Variants in UGT2B4 observed in about 807,000 individuals in gnomAD.
UGT2B4 encodes UDP-glucuronosyltransferase 2B4.
UGT2B4 carries 49 observed loss-of-function variants against 49.8 expected under a neutral mutation model. The ratio of observed to expected loss-of-function variants is 0.98; its 90% CI spans 0.78 to 1.25. The LOEUF (loss-of-function observed/expected upper bound fraction) is 1.25. Ranked by LOEUF, UGT2B4 falls within the 50% of genes most tolerant of loss-of-function variation. The probability of loss-of-function intolerance (pLI) is 0.00; values close to 1 mark genes in which losing one functional copy is unlikely to be tolerated. For missense variants in UGT2B4, 729 were observed against 627.7 expected (o/e 1.16, Z -1.73); for synonymous variants, 246 against 217.7 (o/e 1.13, Z -1.14).
At chr4:69,489,052 A>T (rs907325784) in intron 3 of UGT2B4, among the ~76,000 whole-genome samples, 5 of 152,286 alleles carry the variant, frequency 3.3e-5, no homozygotes, top group African/African-American at 1.2e-4. Context: ...GAAGTTACTC[A>T]TTAAAATGTA....
chr4:69,524,217 A>G (rs72646768), intron 1 of UGT2B4, among the ~76,000 whole-genome samples: 53,325 of 151,816 alleles, frequency 0.35, 9,447 homozygotes, highest in Non-Finnish European at 0.37. Flanking sequence ...TAACTGCTGC[A>G]AGAGGCCTAG....
In UGT2B4 at chr4:69,482,069, T is replaced by G. The variant is rs968415151; in HGVS notation, c.1311-1159A>C. On this transcript the variant is annotated intron_variant, in intron 5 of 5. Coordinates refer to ENST00000305107, the MANE Select transcript of UGT2B4 (RefSeq NM_021139.3). ...ATGCACACTAGGTCTTCTAGGGACA[T>G]TGGCCTTATATTTTTCTTTAAGCTC... is the stretch of plus-strand genomic sequence containing the variant. Among the ~76,000 whole-genome samples the G allele has an allele frequency of 2.6e-5, 4 of 152,248 alleles. No individual in the cohort carries two copies. In the East Asian group the frequency reaches 7.7e-4, roughly 29 times the overall value.
chr4:69,525,593 A>G lies in UGT2B4; in HGVS notation c.-106+94T>C, dbSNP rs1308790030. ...TTTTGGGCAACGTGATATAGTTTCA[A>G]GATATGGGTTAGACAATAGATTATC... On this transcript the variant is annotated intron_variant, in intron 1 of 1. Transcript: ENST00000510114. 3 of 675,252 alleles carry G rather than the reference A, an allele frequency of 4.4e-6. No individual in the cohort carries two copies. The Admixed American group carries it at 1.6e-4, about 35-fold the overall frequency. The allele number at this position is 675,252 out of a possible 1,614,324, so 41.8% of individuals were successfully genotyped here. A position where few individuals can be genotyped will look rare whatever the true frequency, so the allele number is the denominator to read the frequency against.
rs1259761750 is a variant in UGT2B4 at position 69,480,447 on chromosome 4, C to T, written c.*187G>A. 6 of 796,726 alleles carry T rather than the reference C, an allele frequency of 7.5e-6. No homozygotes were observed. Among genetic ancestry groups the T allele is most frequent in the Non-Finnish European group, 1.1e-5 (6 of 528,240 alleles). 49.4% of individuals were successfully genotyped at this position (796,726 alleles called of 1,614,324 possible). ...TCATTTTTGTTTTCCCTAATGTTTT[C>T]CTCCTTGACATGAAATATTTCTAAT... On this transcript the variant is annotated 3_prime_UTR_variant, in exon 6 of 6. Transcript: ENST00000305107.
chr4:69,500,278 T>C (rs568581756), upstream of UGT2B4, among the ~76,000 whole-genome samples: 51 of 152,146 alleles, frequency 3.4e-4, no homozygotes, highest in South Asian at 6.2e-4. Flanking sequence ...GATAAATAGC[T>C]AATGCATTCC....
At chr4:69,496,023 A>T, upstream of UGT2B4, 3 of 1,240,332 alleles carry the variant, frequency 2.4e-6, no homozygotes, top group South Asian at 1.9e-5. Flanking sequence ...AAAGAGACAA[A>T]TAAAAGGTAG....
Position 69,519,121 on chromosome 4 carries a change from G to C in UGT2B4, c.-106+6566C>G, listed in dbSNP as rs551454278. 2.1e-4 allele frequency among the ~76,000 whole-genome samples: 32 copies of C among 152,290 alleles called. No homozygotes were observed. The South Asian group carries it at 6.6e-3, about 32-fold the overall frequency. On this transcript the variant is annotated intron_variant, in intron 1 of 1. Transcript: ENST00000510114. The stretch of plus-strand genomic sequence containing the variant: ...ACAGAAGAAAGCTAACTTGAAGTAG[G>C]AGAACGTAGTCTCTATAATGACAAA...
At chr4:69,490,624 A>G (rs1727955099) in intron 2 of UGT2B4, among the ~76,000 whole-genome samples, 1 of 152,158 alleles carries the variant, frequency 6.6e-6, no homozygotes, top group Non-Finnish European at 1.5e-5. Context: ...TTGGGGTAAA[A>G]CTTTTTCTTA....
Position 69,495,619 on chromosome 4 carries a change from TAA to T in UGT2B4, c.241_242del (p.Leu81AsnfsTer2). The T allele has an allele frequency of 6.2e-7, 1 of 1,613,994 alleles. No homozygotes were observed. Among genetic ancestry groups the T allele is most frequent in the Non-Finnish European group, 8.5e-7 (1 of 1,179,978 alleles). On this transcript the variant is annotated frameshift_variant, in exon 1 of 6. Coordinates refer to ENST00000305107, the MANE Select transcript of UGT2B4 (RefSeq NM_021139.3). LOFTEE classifies it high-confidence loss of function. ...TLKFEVYPVS[L>X]TKTEFEDIIK... is the part of the protein sequence containing the mutation. ...TAATATCCTCAAACTCAGTTTTAGT[TAA>T]AGATACAGGATAAACTTCAAATTTA...
intron 3 of UGT2B4, among the ~76,000 whole-genome samples, chr4:69,487,635 TA>T (rs918897084): frequency 3.9e-5 from 6 of 151,996 alleles, no homozygotes; most frequent in Non-Finnish European, 5.9e-5. Context: ...GAAAAATAAC[TA>T]AAAGGTACTA....
intron 3 of UGT2B4, 31 bp downstream of exon 3, chr4:69,489,407 GT>G (rs748069400): frequency 6.2e-7 from 1 of 1,603,380 alleles, no homozygotes; most frequent in East Asian, 2.2e-5. Context: ...TCTTTCAGTA[GT>G]TTTTTACACC....
chr4:69,485,748 G>GT (rs1727763203), intron 4 of UGT2B4, among the ~76,000 whole-genome samples: 7 of 152,078 alleles, frequency 4.6e-5, no homozygotes, highest in Admixed American at 2.0e-4. Context: ...ATGTGTTCTT[G>GT]TTTTTTTGTT....
intron 5 of UGT2B4, among the ~76,000 whole-genome samples, chr4:69,483,654 C>G (rs1316976731): frequency 6.6e-6 from 1 of 151,834 alleles, no homozygotes; most frequent in South Asian, 2.1e-4. Context: ...TGATAAAGTA[C>G]TTTTAAAGTA....
chr4:69,480,747 C>T lies in UGT2B4; in HGVS notation c.1474G>A (p.Asp492Asn), dbSNP rs770843089. ...DLTWFQYHSLDVTGFLLACVA... is the reference protein window; with the variant it reads ...DLTWFQYHSLNVTGFLLACVA... ...CAGGCCAGCAGGAACCCAGTCACATCCAAAGAGTGGTACTGGAACCAGGTG... is the reference window on the plus strand; with the variant it reads ...CAGGCCAGCAGGAACCCAGTCACATTCAAAGAGTGGTACTGGAACCAGGTG... The change falls in exon 6 of 6, where the codon GAT (aspartate) becomes AAT (asparagine). Residue 492 changes from aspartate (D) to asparagine (N), a missense_variant. By Grantham distance (23) the Asp-to-Asn change is conservative. Transcript: ENST00000305107. 21 of 1,613,830 alleles carry T rather than the reference C, an allele frequency of 1.3e-5. No homozygotes were observed. Among genetic ancestry groups the T allele is most frequent in the Non-Finnish European group, 1.8e-5 (21 of 1,179,936 alleles).
rs1728136420 is a variant in UGT2B4, at chr4:69,495,665, G to A, written c.197C>T (p.Pro66Leu). The A allele has an allele frequency of 2.5e-6, 4 of 1,613,968 alleles. No homozygotes were observed. The highest frequency in any genetic ancestry group is 3.4e-6 in the Non-Finnish European group (4 of 1,179,970). The change falls in exon 1 of 6, where the codon CCC (proline) becomes CTC (leucine). Residue 66 changes from proline (P) to leucine (L), a missense_variant. By Grantham distance (98) the Pro-to-Leu change is moderately conservative. Coordinates refer to ENST00000305107, the MANE Select transcript of UGT2B4 (RefSeq NM_021139.3). ...LASSASISFDPNSPSTLKFEV... is the reference protein window; with the variant it reads ...LASSASISFDLNSPSTLKFEV... ...AAATTTAAGAGTAGATGGGCTGTTGGGATCGAAAGAAATGGAAGCTGAAGA... is the reference window on the plus strand; with the variant it reads ...AAATTTAAGAGTAGATGGGCTGTTGAGATCGAAAGAAATGGAAGCTGAAGA...
At chr4:69,484,726 A>C (rs1121124) in intron 5 of UGT2B4, among the ~76,000 whole-genome samples, 67,799 of 151,872 alleles carry the variant, frequency 0.45, 15,394 homozygotes, top group South Asian at 0.62. Flanking sequence ...GACTGTAAGC[A>C]TACTAAATAT....
At chr4:69,497,571 A>T (rs1728200493), upstream of UGT2B4, among the ~76,000 whole-genome samples, 6 of 152,200 alleles carry the variant, frequency 3.9e-5, no homozygotes, top group South Asian at 1.2e-3. Flanking sequence ...TAGAAAGATA[A>T]CTCAAATTAG....
intron 1 of UGT2B4, among the ~76,000 whole-genome samples, chr4:69,506,019 G>C (rs935382867): frequency 1.3e-5 from 2 of 152,090 alleles, no homozygotes; most frequent in African/African-American, 4.8e-5. Flanking sequence ...GAAGATCTTT[G>C]AAACTAATGA....
upstream of UGT2B4, among the ~76,000 whole-genome samples, chr4:69,496,328 G>A (rs1318882768): frequency 6.6e-6 from 1 of 152,072 alleles, no homozygotes; most frequent in Non-Finnish European, 1.5e-5. Flanking sequence ...CCCAGCCCTA[G>A]ATTTTTAAGT....
Sources: gnomAD v4.1 joint callset for allele counts (sites outside exome capture counted in the v4.1 genomes callset) on GRCh38, gnomAD v4.1.1 for gene constraint, MANE v1.5 for transcripts, NCBI Gene and HGNC (gene_info 2026-07-23, HGNC 2026-07-21) for gene names.